RCAN3: variants seen among roughly 807,000 people sequenced by gnomAD.
RCAN3 encodes regulator of calcineurin 3, also known as calcipressin-3.
In RCAN3, 19 loss-of-function variants were observed where a neutral mutation model predicts 21.9. The observed-to-expected ratio is 0.87, with a 90% CI of 0.61 to 1.27. The LOEUF (loss-of-function observed/expected upper bound fraction) is 1.27. Ranked by LOEUF, RCAN3 falls within the 50% of genes most tolerant of loss-of-function variation. RCAN3 has a pLI of 0.00. For missense variants in RCAN3, 240 were observed against 300.1 expected, an observed-to-expected ratio of 0.80 and a Z score of 1.48; for synonymous variants, 114 against 112.3, an observed-to-expected ratio of 1.01 and a Z score of -0.09.
intron 1 of RCAN3, among the ~76,000 whole-genome samples, chr1:24,507,881 C>T (rs1647563381): frequency 1.3e-5 from 2 of 152,198 alleles, no homozygotes; most frequent in African/African-American, 4.8e-5. Flanking sequence ...TTGAGACCAG[C>T]CTGACCAACA....
chr1:24,530,695 T>A (rs1175197957), intron 2 of RCAN3, among the ~76,000 whole-genome samples: 2 of 152,124 alleles, frequency 1.3e-5, no homozygotes, highest in Non-Finnish European at 2.9e-5. Context: ...TGGACAATAT[T>A]TAATAAAGTT....
chr1:24,527,953 T>G (rs1649406493), intron 2 of RCAN3, among the ~76,000 whole-genome samples: 1 of 152,180 alleles, frequency 6.6e-6, no homozygotes, highest in Admixed American at 6.5e-5. Flanking sequence ...TCTCTTTCTT[T>G]TTCTCTAGTC....
intron 1 of RCAN3, among the ~76,000 whole-genome samples, chr1:24,504,713 G>A (rs1364486855): frequency 6.6e-6 from 1 of 152,092 alleles, no homozygotes; most frequent in East Asian, 1.9e-4. Context: ...GTTCAACACC[G>A]TTTGTTACTT....
intron 1 of RCAN3, among the ~76,000 whole-genome samples, chr1:24,510,213 C>CTT (rs4024515): frequency 0.48 from 73,413 of 151,848 alleles, 17,983 homozygotes; most frequent in East Asian, 0.76. Context: ...TGAGCATTGG[C>CTT]TTTAACTTAA....
intron 1 of RCAN3, among the ~76,000 whole-genome samples, chr1:24,504,144 C>T (rs1406475371): frequency 6.6e-6 from 1 of 152,214 alleles, no homozygotes; most frequent in Non-Finnish European, 1.5e-5. Flanking sequence ...ATCAGCTTTA[C>T]ATTTTACTGC....
intron 1 of RCAN3, among the ~76,000 whole-genome samples, chr1:24,504,099 A>G (rs1270804457): frequency 1.3e-5 from 2 of 152,228 alleles, no homozygotes; most frequent in African/African-American, 4.8e-5. Context: ...AGACTGTGAA[A>G]AGCTTGAAAA....
chr1:24,511,324 A>T (rs912990940), intron 1 of RCAN3, among the ~76,000 whole-genome samples: 1 of 152,186 alleles, frequency 6.6e-6, no homozygotes, highest in South Asian at 2.1e-4. Flanking sequence ...GAAACAAAAC[A>T]AAACAAAACA....
rs191126335 is a variant in RCAN3, at chr1:24,517,642, A to G, written c.195+3075A>G. ...CTTAACAGTAATATCTGAAATGACA[A>G]AATATAAAATGTTTATATTATGGTT... On this transcript the variant is annotated intron_variant, in intron 2 of 4. Transcript: ENST00000374395. 2.6e-5 allele frequency among the ~76,000 whole-genome samples: 4 copies of G among 152,292 alleles called. No homozygotes were observed. The East Asian group carries it at 7.7e-4, about 29-fold the overall frequency.
At position 24,533,250 on chromosome 1, in the gene RCAN3, A is replaced by G. The variant is rs200577938; in HGVS notation, c.537A>G (p.Gly179=). Residue 179 remains glycine (G), a synonymous_variant, in exon 4 of 5, where the codon GGA becomes GGG. Coordinates refer to ENST00000374395, the MANE Select transcript of RCAN3 (RefSeq NM_013441.4). ...YDLLCAVSKL[G]PGEKYELHAG... Reference sequence around the variant, plus strand: ...TACTCTGTGCTGTTTCCAAATTGGGACCAGGTAATAAACTTCTATTTTTCC... The same window carrying G: ...TACTCTGTGCTGTTTCCAAATTGGGGCCAGGTAATAAACTTCTATTTTTCC... 4 of 1,543,984 alleles carry G rather than the reference A, an allele frequency of 2.6e-6. No individual in the cohort carries two copies. The East Asian group carries it at 9.5e-5, about 37-fold the overall frequency.
rs1419698036 is a variant in RCAN3, at chr1:24,536,499, G to C, written c.*1222G>C. On this transcript the variant is annotated 3_prime_UTR_variant, in exon 5 of 5. Transcript: ENST00000374395. The stretch of plus-strand genomic sequence containing the variant: ...CAGCAGGATCTTTTTAACTCTCTCT[G>C]GTCTGTTTAGACTTTGAAGTCCCTT... 3 of 152,082 alleles carry C rather than the reference G, an allele frequency of 2.0e-5. No homozygotes were observed. Among genetic ancestry groups the C allele is most frequent in the Non-Finnish European group, 4.4e-5 (3 of 68,008 alleles). 9.4% of individuals were successfully genotyped at this position (152,082 alleles called of 1,614,324 possible). A position where few individuals can be genotyped will look rare whatever the true frequency, so the allele number is the denominator to read the frequency against.
At chr1:24,505,364 T>C (rs1034688395) in intron 1 of RCAN3, among the ~76,000 whole-genome samples, 44 of 151,330 alleles carry the variant, frequency 2.9e-4, no homozygotes, top group African/African-American at 1.0e-3. Context: ...CACAGCCTTC[T>C]GAGTAGCTGG....
At chr1:24,523,671 T>C (rs1649018084) in intron 2 of RCAN3, among the ~76,000 whole-genome samples, 1 of 150,808 alleles carries the variant, frequency 6.6e-6, no homozygotes, top group Admixed American at 6.6e-5. Context: ...AGATGGAGTC[T>C]CATTCTGTTT....
At chr1:24,515,511 CTT>C (rs1648245312) in intron 2 of RCAN3, among the ~76,000 whole-genome samples, 1 of 151,456 alleles carries the variant, frequency 6.6e-6, no homozygotes, top group African/African-American at 2.4e-5. Context: ...GGCTATAGGT[CTT>C]AGTCCCACAA....
chr1:24,532,973 AAAG>A, intron 3 of RCAN3, 107 bp from the exon 4 acceptor site: 6 of 731,434 alleles, frequency 8.2e-6, no homozygotes, highest in Admixed American at 4.5e-5. Context: ...AAAAAAAAAA[AAAG>A]AAATGTTTAA....
At chr1:24,518,598 GTC>G (rs1193223897) in intron 2 of RCAN3, among the ~76,000 whole-genome samples, 1 of 147,582 alleles carries the variant, frequency 6.8e-6, no homozygotes, top group Non-Finnish European at 1.5e-5. Flanking sequence ...TTTTTTCTCT[GTC>G]TTTTAAAAAA....
At chr1:24,521,876 T>A (rs74972079) in intron 2 of RCAN3, among the ~76,000 whole-genome samples, 22,761 of 122,648 alleles carry the variant, frequency 0.19, 1,828 homozygotes, top group African/African-American at 0.23. Flanking sequence ...AAAATTTTTT[T>A]AAAAAAGAAA....
intron 1 of RCAN3, among the ~76,000 whole-genome samples, chr1:24,510,348 C>T: frequency 6.6e-6 from 1 of 152,226 alleles, no homozygotes; most frequent in East Asian, 1.9e-4. Context: ...GCTACTTAGT[C>T]TATATTGAAA....
intron 2 of RCAN3, among the ~76,000 whole-genome samples, chr1:24,524,253 A>C (rs1295300993): frequency 6.6e-6 from 1 of 152,146 alleles, no homozygotes; most frequent in Non-Finnish European, 1.5e-5. Flanking sequence ...AATAAGTCAG[A>C]GTTTGTGTTT....
intron 2 of RCAN3, among the ~76,000 whole-genome samples, chr1:24,524,818 GTTTTC>G (rs1649120633): frequency 7.8e-6 from 1 of 128,742 alleles, no homozygotes; most frequent in Admixed American, 7.8e-5. Context: ...TGTTTATTTT[GTTTTC>G]TTTTGTTTTT....
Sources: allele counts gnomAD v4.1 joint callset (sites outside exome capture counted in the v4.1 genomes callset), GRCh38; gene constraint gnomAD v4.1.1; transcripts MANE v1.5; gene names NCBI Gene and HGNC (gene_info 2026-07-23, HGNC 2026-07-21).